Variants in ANO6 observed in about 807,000 individuals in gnomAD.
ANO6 encodes anoctamin-6.
A neutral mutation model predicts 117.5 loss-of-function variants in ANO6; 106 were observed. The ratio of observed to expected loss-of-function variants is 0.90; its 90% confidence interval spans 0.77 to 1.06. ANO6 has a LOEUF of 1.06. Among genes scored for constraint, ANO6 ranks in the 50% least tolerant of loss-of-function variants. ANO6 has a pLI of 0.00. For missense variants in ANO6, 955 were observed against 1,121.1 expected, an observed-to-expected ratio of 0.85 and a Z score of 2.12; for synonymous variants, 367 against 385.1, an observed-to-expected ratio of 0.95 and a Z score of 0.55.
intron 1 of ANO6, among the ~76,000 whole-genome samples, chr12:45,243,634 C>G (rs1315400357): frequency 6.6e-6 from 1 of 151,566 alleles, no homozygotes; most frequent in Non-Finnish European, 1.5e-5. Context: ...ACTGCAACCT[C>G]CGCCTCCTGG....
At chr12:45,264,793 A>G (rs570374194) in intron 1 of ANO6, among the ~76,000 whole-genome samples, 3 of 152,334 alleles carry the variant, frequency 2.0e-5, no homozygotes, top group East Asian at 1.9e-4. Context: ...GTTGAACTTC[A>G]TATCTGTATC....
chr12:45,218,912 T>G (rs1947355592), intron 1 of ANO6, among the ~76,000 whole-genome samples: 1 of 152,204 alleles, frequency 6.6e-6, no homozygotes, highest in South Asian at 2.1e-4. Context: ...GTGAAATCCC[T>G]CTATTAATAT....
chr12:45,418,986 A>T (rs754019067), intron 17 of ANO6, among the ~76,000 whole-genome samples: 2 of 152,128 alleles, frequency 1.3e-5, no homozygotes, highest in Non-Finnish European at 2.9e-5. Context: ...TATTCCCTCA[A>T]ACACCCAGTG....
In ANO6 at chr12:45,432,234, T is replaced by A; in HGVS notation, c.*2923T>A. On this transcript the variant is annotated 3_prime_UTR_variant, in exon 20 of 20. Transcript: ENST00000320560. Reference sequence around the variant, plus strand: ...TGGCATAAGATGTAAAGTTTGTAATTAATGTTAATTTCTGTGCATTTTAAT... The same window carrying A: ...TGGCATAAGATGTAAAGTTTGTAATAAATGTTAATTTCTGTGCATTTTAAT... 2 of 959,430 alleles carry A rather than the reference T, an allele frequency of 2.1e-6. No homozygotes were observed. The highest frequency in any genetic ancestry group is 1.0e-4 in the South Asian group (2 of 20,030). 59.4% of individuals were successfully genotyped at this position (959,430 alleles called of 1,614,324 possible).
intron 15 of ANO6, among the ~76,000 whole-genome samples, chr12:45,408,329 T>G (rs952706089): frequency 6.6e-6 from 1 of 152,190 alleles, no homozygotes; most frequent in African/African-American, 2.4e-5. Context: ...AACCACAAGC[T>G]GGCAGTTGCT....
intron 1 of ANO6, among the ~76,000 whole-genome samples, chr12:45,299,788 G>T (rs1939420353): frequency 6.6e-6 from 1 of 151,990 alleles, no homozygotes; most frequent in African/African-American, 2.4e-5. Context: ...GGAGGCAGAG[G>T]TTGCAGTGAG....
intron 8 of ANO6, among the ~76,000 whole-genome samples, chr12:45,365,244 G>A (rs1941654698): frequency 6.6e-6 from 1 of 152,194 alleles, no homozygotes; most frequent in Non-Finnish European, 1.5e-5. Context: ...AAGTCAGCCA[G>A]AGGTAAGGGA....
intron 9 of ANO6, among the ~76,000 whole-genome samples, chr12:45,373,992 G>T (rs571947852): frequency 5.3e-5 from 8 of 152,080 alleles, no homozygotes; most frequent in Admixed American, 2.6e-4. Context: ...AAGAATCAAA[G>T]AGACGCAATA....
At chr12:45,217,923 A>T (rs1374230562) in intron 1 of ANO6, among the ~76,000 whole-genome samples, 1 of 152,232 alleles carries the variant, frequency 6.6e-6, no homozygotes, top group Non-Finnish European at 1.5e-5. Flanking sequence ...ATGGAAACTG[A>T]AGTAAGCAAG....
At chr12:45,397,472 A>G (rs953427583) in intron 12 of ANO6, among the ~76,000 whole-genome samples, 1 of 152,238 alleles carries the variant, frequency 6.6e-6, no homozygotes, top group Non-Finnish European at 1.5e-5. Context: ...TGACCCAGCA[A>G]TCCCATTACT....
In ANO6 at chr12:45,216,373, G is replaced by T; in HGVS notation, c.52G>T (p.Asp18Tyr). The T allele has an allele frequency of 1.2e-6, 2 of 1,612,882 alleles. No homozygotes were observed. Among genetic ancestry groups the T allele is most frequent in the Admixed American group, 1.7e-5 (1 of 59,950 alleles). ...GCTACAAATGGAGGAGGAGGAGGAC[G>T]ACGACGATGGGGATATCGGTGAGCG... is the stretch of plus-strand genomic sequence containing the variant. ...VLLQMEEEEDDDDGDIVLENL... is the reference protein window; with the variant it reads ...VLLQMEEEEDYDDGDIVLENL... The change falls in exon 1 of 20, where the codon GAC (aspartate) becomes TAC (tyrosine). Residue 18 changes from aspartate to tyrosine, a missense_variant. Coordinates refer to ENST00000320560, the MANE Select transcript of ANO6 (RefSeq NM_001025356.3).
intron 1 of ANO6, among the ~76,000 whole-genome samples, chr12:45,246,548 TAG>T (rs150983961): frequency 0.019 from 2,860 of 152,312 alleles, 54 homozygotes; most frequent in East Asian, 0.068. Context: ...GAAGTAGATG[TAG>T]AGAGAATTCT....
intron 2 of ANO6, among the ~76,000 whole-genome samples, chr12:45,327,923 G>A (rs970666728): frequency 1.1e-4 from 16 of 152,044 alleles, no homozygotes; most frequent in African/African-American, 3.4e-4. Flanking sequence ...GCCAGACCTG[G>A]CCACTAATCT....
chr12:45,429,010 CAGATAAACTGCCATAA>C, intron 19 of ANO6, 79 bp from the exon 20 acceptor site: 1 of 1,467,040 alleles, frequency 6.8e-7, no homozygotes, highest in Non-Finnish European at 9.3e-7. Flanking sequence ...CTGCCTTGTC[CAGATAAACTGCCATAA>C]TGACAAGCAA....
chr12:45,261,878 T>C (rs931482550), intron 1 of ANO6, among the ~76,000 whole-genome samples: 5 of 152,206 alleles, frequency 3.3e-5, no homozygotes, highest in African/African-American at 4.8e-5. Flanking sequence ...AAATAATACA[T>C]TTCAATTTTA....
intron 1 of ANO6, among the ~76,000 whole-genome samples, chr12:45,268,170 G>A (rs1020676937): frequency 4.6e-5 from 7 of 152,198 alleles, no homozygotes; most frequent in African/African-American, 1.7e-4. Context: ...TAACAGGCGT[G>A]TAGATTGTTT....
At chr12:45,382,042 A>G (rs1021154029) in intron 10 of ANO6, among the ~76,000 whole-genome samples, 3 of 152,190 alleles carry the variant, frequency 2.0e-5, no homozygotes, top group Admixed American at 6.5e-5. Flanking sequence ...ACAGAAAGTG[A>G]CAAGCATAGA....
In ANO6 at chr12:45,406,243, A is replaced by G. The variant is rs936452601; in HGVS notation, c.1880+2707A>G. 2.6e-5 allele frequency among the ~76,000 whole-genome samples: 4 copies of G among 152,362 alleles called. No homozygotes were observed. In the East Asian group the frequency reaches 7.7e-4, roughly 29 times the overall value. On this transcript the variant is annotated intron_variant, in intron 15 of 19. Coordinates refer to ENST00000320560, the MANE Select transcript of ANO6 (RefSeq NM_001025356.3). ...CTGAGTGAATGAATAAGTGCCTTGT[A>G]TGCTTCAGATACATCACATCAGTAA...
chr12:45,425,069 T>C (rs941636296), intron 19 of ANO6, among the ~76,000 whole-genome samples: 2 of 152,144 alleles, frequency 1.3e-5, no homozygotes, highest in African/African-American at 4.8e-5. Flanking sequence ...TGTGAAAACA[T>C]TTAAATAATT....
Sources: gnomAD v4.1 joint callset for allele counts (sites outside exome capture counted in the v4.1 genomes callset) on GRCh38, gnomAD v4.1.1 for gene constraint, MANE v1.5 for transcripts, NCBI Gene and HGNC (gene_info 2026-07-23, HGNC 2026-07-21) for gene names.